The following KIRREL3 variants were observed in gnomAD, a reference collection of about 807,000 sequenced individuals.
KIRREL3 encodes kin of IRRE-like protein 3.
KIRREL3 carries 36 observed loss-of-function variants against 89.7 expected under a neutral mutation model. The observed-to-expected ratio is 0.40, with a 90% CI of 0.31 to 0.53. KIRREL3 has a LOEUF of 0.53. Among genes scored for constraint, KIRREL3 ranks in the 20% least tolerant of loss-of-function variants. KIRREL3 has a pLI of 0.49. For synonymous variants in KIRREL3, 445 were observed against 441.4 expected (o/e 1.01, Z -0.10); for missense variants, 864 against 1,056.6 (o/e 0.82, Z 2.53).
At chr11:126,822,328 T>C (rs1943253556) in intron 1 of KIRREL3, among the ~76,000 whole-genome samples, 1 of 152,236 alleles carries the variant, frequency 6.6e-6, no homozygotes, top group African/African-American at 2.4e-5. Flanking sequence ...TTCTCAAACA[T>C]AACTATGCTT....
In KIRREL3 at chr11:126,498,851, C is replaced by T. The variant is rs182313444; in HGVS notation, c.433+22464G>A. Among the ~76,000 whole-genome samples, 41 of 152,254 alleles carry T rather than the reference C, an allele frequency of 2.7e-4. 1 individual carries two copies. The South Asian group carries it at 5.8e-3, about 22-fold the overall frequency. On this transcript the variant is annotated intron_variant, in intron 4 of 16. Coordinates refer to ENST00000525144, the MANE Select transcript of KIRREL3 (RefSeq NM_032531.4). The surrounding 1 kb of genome is among the most constrained non-coding windows in gnomAD (Gnocchi z 4.3). The stretch of plus-strand genomic sequence containing the variant: ...TTCACAGGCTCAGGACCTCGACGCA[C>T]GGAAACTTCTGGATCATTAAAGAAG...
Position 126,669,941 on chromosome 11 carries a change from C to T in KIRREL3, c.56-107029G>A, listed in dbSNP as rs1476487707. On this transcript the variant is annotated intron_variant, in intron 1 of 16. Transcript: ENST00000525144. The surrounding 1 kb of genome is among the most constrained non-coding windows in gnomAD (Gnocchi z 5.0). Reference sequence around the variant, plus strand: ...GTCTCTCTCCCAGTCTTCAGCATGTCAGTGCATTGCAGCACCATCCACCCC... The same window carrying T: ...GTCTCTCTCCCAGTCTTCAGCATGTTAGTGCATTGCAGCACCATCCACCCC... Among the ~76,000 whole-genome samples, 1 of 152,202 alleles carries T rather than the reference C, an allele frequency of 6.6e-6. No individual in the cohort carries two copies. The highest frequency in any genetic ancestry group is 1.5e-5 in the Non-Finnish European group (1 of 68,030).
intron 1 of KIRREL3, among the ~76,000 whole-genome samples, chr11:126,595,381 C>T (rs2134725299): frequency 6.6e-6 from 1 of 152,302 alleles, no homozygotes; most frequent in East Asian, 1.9e-4. Flanking sequence ...GGCTAGTTGT[C>T]CCAGGTTTAT....
chr11:126,921,977 A>G (rs926580879), intron 1 of KIRREL3, among the ~76,000 whole-genome samples: 1 of 145,472 alleles, frequency 6.9e-6, no homozygotes, highest in African/African-American at 2.6e-5. Context: ...CTATCTATCT[A>G]TCTATCTATC....
At chr11:126,461,379 G>A (rs1325907244) in intron 6 of KIRREL3, among the ~76,000 whole-genome samples, 2 of 152,228 alleles carry the variant, frequency 1.3e-5, no homozygotes, top group Non-Finnish European at 2.9e-5. Context: ...CACTTTCAGG[G>A]CCAGCCCTGC....
intron 1 of KIRREL3, among the ~76,000 whole-genome samples, chr11:126,617,251 G>A (rs1254634191): frequency 6.6e-6 from 1 of 152,210 alleles, no homozygotes; most frequent in Non-Finnish European, 1.5e-5. Context: ...AATGGATTTG[G>A]TTGGTGGGCT....
At chr11:126,857,354 A>G (rs1303299003) in intron 1 of KIRREL3, among the ~76,000 whole-genome samples, 1 of 152,206 alleles carries the variant, frequency 6.6e-6, no homozygotes, top group Non-Finnish European at 1.5e-5. Flanking sequence ...AGAGAACAGG[A>G]ATTGCTTGGC....
chr11:126,704,422 G>T lies in KIRREL3; in HGVS notation c.56-141510C>A, dbSNP rs115638674. ...GCAGAACAGAGGCTTGCAAAAGACT[G>T]CAGCAACCAGCCCCAGCTGGCTGTA... On this transcript the variant is annotated intron_variant, in intron 1 of 16. Coordinates refer to ENST00000525144, the MANE Select transcript of KIRREL3 (RefSeq NM_032531.4). The surrounding 1 kb of genome is among the most constrained non-coding windows in gnomAD (Gnocchi z 4.2). 6.6e-6 allele frequency among the ~76,000 whole-genome samples: 1 copy of T among 152,198 alleles called. No individual in the cohort carries two copies. Among genetic ancestry groups the T allele is most frequent in the Non-Finnish European group, 1.5e-5 (1 of 68,040 alleles).
chr11:126,621,727 T>C (rs1191367637), intron 1 of KIRREL3, among the ~76,000 whole-genome samples: 1 of 152,216 alleles, frequency 6.6e-6, no homozygotes, highest in African/African-American at 2.4e-5. Context: ...TAGAACATTG[T>C]TTTCTTGGAA....
chr11:126,644,955 C>G (rs866779106), intron 1 of KIRREL3, among the ~76,000 whole-genome samples: 1 of 152,118 alleles, frequency 6.6e-6, no homozygotes, highest in Non-Finnish European at 1.5e-5. Context: ...TACAAGGCAC[C>G]GTTGCAGCCC....
intron 1 of KIRREL3, among the ~76,000 whole-genome samples, chr11:126,757,851 C>G (rs953149855): frequency 2.0e-5 from 3 of 152,150 alleles, no homozygotes; most frequent in Non-Finnish European, 4.4e-5. Context: ...CTCAGTTTCC[C>G]CATCTGTACA....
intron 1 of KIRREL3, among the ~76,000 whole-genome samples, chr11:126,937,718 T>C (rs1024157307): frequency 5.9e-5 from 9 of 151,408 alleles, no homozygotes; most frequent in African/African-American, 1.9e-4. Context: ...GCTAACACAG[T>C]GAAACCCCAT....
intron 1 of KIRREL3, among the ~76,000 whole-genome samples, chr11:126,885,557 T>A (rs1414949280): frequency 2.6e-5 from 4 of 152,134 alleles, no homozygotes; most frequent in African/African-American, 9.7e-5. Flanking sequence ...ATCATCATTG[T>A]CAACCTCATC....
In KIRREL3 at chr11:126,836,707, G is replaced by C. The variant is rs149740998; in HGVS notation, c.55+163748C>G. On this transcript the variant is annotated intron_variant, in intron 1 of 16. Transcript: ENST00000525144. ...CATTGCAGAATGAGTCAATAAAAGA[G>C]TTATCATCTCCTAGTGCACAAGGTG... 1.5e-3 allele frequency among the ~76,000 whole-genome samples: 221 copies of C among 152,282 alleles called. 1 individual carries two copies. The highest frequency in any genetic ancestry group is 5.0e-3 in the African/African-American group (208 of 41,560).
At chr11:126,577,638 T>C (rs1591766821) in intron 1 of KIRREL3, among the ~76,000 whole-genome samples, 1 of 148,488 alleles carries the variant, frequency 6.7e-6, no homozygotes, top group Admixed American at 6.7e-5. Context: ...GGCAGGTGCC[T>C]GTAACCCCAG....
At chr11:126,920,791 A>G (rs753253109) in intron 1 of KIRREL3, among the ~76,000 whole-genome samples, 1 of 152,100 alleles carries the variant, frequency 6.6e-6, no homozygotes, top group African/African-American at 2.4e-5. Flanking sequence ...CTAACATCGT[A>G]CCTTCCTAGA....
intron 1 of KIRREL3, among the ~76,000 whole-genome samples, chr11:126,650,366 A>G (rs150406291): frequency 6.6e-6 from 1 of 152,142 alleles, no homozygotes; most frequent in Non-Finnish European, 1.5e-5. Flanking sequence ...GTCAGGCTGC[A>G]TATTTTCTGA....
Position 126,965,056 on chromosome 11 carries a change from G to A in KIRREL3, c.55+35399C>T, listed in dbSNP as rs542148686. Reference sequence around the variant, plus strand: ...GTTGTACTCCCAACTCAACAGATGGGATATTAGAGCCAAGAAAAAGTTAAG... The same window carrying A: ...GTTGTACTCCCAACTCAACAGATGGAATATTAGAGCCAAGAAAAAGTTAAG... On this transcript the variant is annotated intron_variant, in intron 1 of 16. Transcript: ENST00000525144. The surrounding 1 kb of genome is among the most constrained non-coding windows in gnomAD (Gnocchi z 4.4). Among the ~76,000 whole-genome samples, 4 of 152,168 alleles carry A rather than the reference G, an allele frequency of 2.6e-5. No individual in the cohort carries two copies. In the South Asian group the frequency reaches 8.3e-4, roughly 32 times the overall value.
At chr11:126,663,182 C>CTTTTTTTTTT (rs61217908) in intron 1 of KIRREL3, among the ~76,000 whole-genome samples, 1 of 90,800 alleles carries the variant, frequency 1.1e-5, no homozygotes, top group African/African-American at 4.4e-5. Flanking sequence ...TCATGTCTGG[C>CTTTTTTTTTT]TTTTTTTTTT....
Sources: gnomAD v4.1 joint callset for allele counts (sites outside exome capture counted in the v4.1 genomes callset) on GRCh38, gnomAD v4.1.1 for gene constraint, Gnocchi (gnomAD v3.1) non-coding constraint, MANE v1.5 for transcripts, NCBI Gene and HGNC (gene_info 2026-07-23, HGNC 2026-07-21) for gene names.